LTA: variants seen among roughly 807,000 people sequenced by gnomAD.
LTA encodes lymphotoxin alpha.
A neutral mutation model predicts 15.1 loss-of-function variants in LTA; 6 were observed. The observed-to-expected ratio is 0.40, with a 90% CI of 0.22 to 0.78. The LOEUF is 0.78. Ranked by LOEUF, LTA falls within the 30% of genes least tolerant of loss-of-function variation. The pLI, the probability that LTA is intolerant of heterozygous loss-of-function variation, is 0.38. For synonymous variants in LTA, 87 were observed against 107.3 expected, an observed-to-expected ratio of 0.81 and a Z score of 1.17; for missense variants, 173 against 249.5, an observed-to-expected ratio of 0.69 and a Z score of 2.06.
chr6:31,573,478 G>A lies in LTA; in HGVS notation c.403G>A (p.Val135Ile). ...CTCCCCACTCTACCTGGCCCATGAG[G>A]TCCAGCTCTTCTCCTCCCAGTACCC... is the stretch of plus-strand genomic sequence containing the variant. Reference protein sequence around the residue: ...TSSPLYLAHEVQLFSSQYPFH... With the variant: ...TSSPLYLAHEIQLFSSQYPFH... The change falls in exon 4 of 4, where the codon GTC becomes ATC. Residue 135 changes from valine to isoleucine, a missense_variant. Transcript: ENST00000418386. The A allele has an allele frequency of 6.2e-7, 1 of 1,614,044 alleles. No homozygotes were observed. Among genetic ancestry groups the A allele is most frequent in the Non-Finnish European group, 8.5e-7 (1 of 1,179,988 alleles).
At chr6:31,563,831 C>T in the LTA span, among the ~76,000 whole-genome samples, 1 of 152,186 alleles carries the variant, frequency 6.6e-6, no homozygotes, top group African/African-American at 2.4e-5. Context: ...TGGTCTCGAA[C>T]TCCTGACCTC....
At position 31,573,883 on chromosome 6, in the gene LTA, C is replaced by G; in HGVS notation, c.*190C>G. The G allele has an allele frequency of 1.4e-6, 1 of 731,400 alleles. No homozygotes were observed. Among genetic ancestry groups the G allele is most frequent in the South Asian group, 1.5e-5 (1 of 67,580 alleles). 45.3% of individuals were successfully genotyped at this position (731,400 alleles called of 1,614,324 possible). A position where few individuals can be genotyped will look rare whatever the true frequency, so the allele number is the denominator to read the frequency against. ...AGGCATCCCAGGGGACCACACCTCC[C>G]TGAACCATCCCTGATGTCTGTCTGG... On this transcript the variant is annotated 3_prime_UTR_variant, in exon 4 of 4. Coordinates refer to ENST00000418386, the MANE Select transcript of LTA (RefSeq NM_000595.4).
At chr6:31,572,709 T>G in intron 1 of LTA, 25 bp from the exon 2 acceptor site, 3 of 1,528,848 alleles carry the variant, frequency 2.0e-6, no homozygotes, top group Non-Finnish European at 1.8e-6. Flanking sequence ...TCACTGTCTC[T>G]CTCTCTCTCT....
chr6:31,572,659 A>ATTAAAAAAC, intron 1 of LTA, 75 bp from the exon 2 acceptor site: 1 of 1,049,868 alleles, frequency 9.5e-7, no homozygotes, highest in Non-Finnish European at 1.4e-6. Context: ...GCTCTCTCCC[A>ATTAAAAAAC]GGGCGGGAGG....
the LTA span, among the ~76,000 whole-genome samples, chr6:31,562,567 T>C: frequency 2.0e-5 from 3 of 152,120 alleles, no homozygotes; most frequent in Non-Finnish European, 4.4e-5. Context: ...TGAAGATGCT[T>C]AAAGAGACAA....
At chr6:31,569,964 C>A (rs185882566), upstream of LTA, among the ~76,000 whole-genome samples, 1 of 152,146 alleles carries the variant, frequency 6.6e-6, no homozygotes. Context: ...CAGTCCCAGT[C>A]TGTGACCATT....
chr6:31,565,110 A>G, the LTA span, among the ~76,000 whole-genome samples: 3 of 152,144 alleles, frequency 2.0e-5, no homozygotes, highest in African/African-American at 4.8e-5. Flanking sequence ...GGGAGAGAAA[A>G]TAACGACCCC....
chr6:31,566,041 G>A, the LTA span, among the ~76,000 whole-genome samples: 6 of 152,064 alleles, frequency 3.9e-5, no homozygotes, highest in Non-Finnish European at 7.4e-5. Flanking sequence ...AGCCAGGCAC[G>A]GTGGCGCATG....
At chr6:31,565,217 A>G in the LTA span, among the ~76,000 whole-genome samples, 2 of 152,314 alleles carry the variant, frequency 1.3e-5, no homozygotes, top group East Asian at 1.9e-4. Context: ...CCAGGTTTCA[A>G]AATGCCCAGA....
In LTA at chr6:31,572,861, G is replaced by A. The variant is rs1403015005; in HGVS notation, c.99+20G>A. Reference sequence around the variant, plus strand: ...GCCCAGGTGAGGCAGCAGGAGAATGGGGGCTGCTGGGGTGGCTCAGCCAAA... The same window carrying A: ...GCCCAGGTGAGGCAGCAGGAGAATGAGGGCTGCTGGGGTGGCTCAGCCAAA... On this transcript the variant is annotated intron_variant, in intron 2 of 3. Transcript: ENST00000418386. The A allele has an allele frequency of 1.2e-6, 2 of 1,611,008 alleles. No homozygotes were observed. Among genetic ancestry groups the A allele is most frequent in the Admixed American group, 3.3e-5 (2 of 59,984 alleles).
At chr6:31,572,642 G>GCCGTATCATTAAAAAAAGTGC in intron 1 of LTA, 92 bp from the exon 2 acceptor site, 1 of 828,686 alleles carries the variant, frequency 1.2e-6, no homozygotes, top group Non-Finnish European at 2.0e-6. Flanking sequence ...CTCGGGGGTC[G>GCCGTATCATTAAAAAAAGTGC]GGGGGTGCTC....
chr6:31,566,175 C>T, the LTA span, among the ~76,000 whole-genome samples: 20 of 147,868 alleles, frequency 1.4e-4, no homozygotes, highest in African/African-American at 4.7e-4. Context: ...GAGACGCCAT[C>T]TCAAAAAAAA....
rs761637564 is a variant in LTA, at chr6:31,572,950, C to T, written c.122C>T (p.Thr41Ile). ...GAQGLPGVGL[T>I]PSAAQTARQH... Reference sequence around the variant, plus strand: ...TAGGGGCTCCCTGGTGTTGGCCTCACACCTTCAGCTGCCCAGACTGCCCGT... The same window carrying T: ...TAGGGGCTCCCTGGTGTTGGCCTCATACCTTCAGCTGCCCAGACTGCCCGT... Residue 41 changes from threonine (T) to isoleucine (I), a missense_variant, in exon 3 of 4, where the codon ACA becomes ATA. By Grantham distance (89) the Thr-to-Ile change is moderately conservative. Coordinates refer to ENST00000418386, the MANE Select transcript of LTA (RefSeq NM_000595.4). The T allele has an allele frequency of 8.7e-6, 14 of 1,612,670 alleles. No individual in the cohort carries two copies. In the African/African-American group the frequency reaches 1.6e-4, roughly 18 times the overall value.
At position 31,573,707 on chromosome 6, in the gene LTA, C is replaced by T; in HGVS notation, c.*14C>T. 6.2e-7 allele frequency: 1 copy of T among 1,613,172 alleles called. No individual in the cohort carries two copies. The highest frequency in any genetic ancestry group is 8.5e-7 in the Non-Finnish European group (1 of 1,179,586). ...TTCGCTCTGTAGAACTTGGAAAAATCCAGAAAGAAAAAATAATTGATTTCA... is the reference window on the plus strand; with the variant it reads ...TTCGCTCTGTAGAACTTGGAAAAATTCAGAAAGAAAAAATAATTGATTTCA... On this transcript the variant is annotated 3_prime_UTR_variant, in exon 4 of 4. Coordinates refer to ENST00000418386, the MANE Select transcript of LTA (RefSeq NM_000595.4).
At position 31,574,063 on chromosome 6, in the gene LTA, CA is replaced by C. The variant is rs1029477779; in HGVS notation, c.*377del. The stretch of plus-strand genomic sequence containing the variant: ...GCAGGGAGGGGACTATTTATGAAGG[CA>C]AAAAAATTAAATTATTTATTTATGG... On this transcript the variant is annotated 3_prime_UTR_variant, in exon 4 of 4. Coordinates refer to ENST00000418386, the MANE Select transcript of LTA (RefSeq NM_000595.4). 220 of 415,288 alleles carry C rather than the reference CA, an allele frequency of 5.3e-4. 2 individuals carry two copies. Among genetic ancestry groups the C allele is most frequent in the Non-Finnish European group, 8.4e-4 (187 of 222,350 alleles). The allele number at this position is 415,288 out of a possible 1,614,324, so 25.7% of individuals were successfully genotyped here. A position where few individuals can be genotyped will look rare whatever the true frequency, so the allele number is the denominator to read the frequency against.
chr6:31,561,150 G>A, the LTA span, among the ~76,000 whole-genome samples: 1 of 152,164 alleles, frequency 6.6e-6, no homozygotes, highest in African/African-American at 2.4e-5. Flanking sequence ...TCCTGAGGGA[G>A]AAGAAGCACA....
At chr6:31,569,517 G>A (rs540675432), upstream of LTA, among the ~76,000 whole-genome samples, 54 of 152,310 alleles carry the variant, frequency 3.5e-4, no homozygotes, top group Middle Eastern at 0.014. Context: ...AGAAGGTTGG[G>A]CGCAGTGGCT....
At chr6:31,566,223 A>G in the LTA span, among the ~76,000 whole-genome samples, 3 of 143,494 alleles carry the variant, frequency 2.1e-5, no homozygotes, top group Admixed American at 1.4e-4. Context: ...TCATGCCTGT[A>G]ATCCCAACAC....
At chr6:31,565,551 T>G in the LTA span, among the ~76,000 whole-genome samples, 4 of 152,174 alleles carry the variant, frequency 2.6e-5, no homozygotes, top group Non-Finnish European at 5.9e-5. Context: ...CAGGTTTCTT[T>G]CTCTAGCTTG....
Sources: gnomAD v4.1 joint callset for allele counts (sites outside exome capture counted in the v4.1 genomes callset) on GRCh38, gnomAD v4.1.1 for gene constraint, MANE v1.5 for transcripts, NCBI Gene and HGNC (gene_info 2026-07-23, HGNC 2026-07-21) for gene names.